The following APBB1 variants were observed in gnomAD, a reference collection of about 807,000 sequenced individuals.
APBB1 encodes amyloid beta precursor protein binding family B member 1, also known as adaptor protein FE65a2.
In APBB1, 22 loss-of-function variants were observed where a neutral mutation model predicts 78.4. The observed-to-expected ratio is 0.28, with a 90% CI of 0.20 to 0.40. The LOEUF (loss-of-function observed/expected upper bound fraction) is 0.40. APBB1 is among the 10% of genes least tolerant of loss of function. APBB1 has a pLI of 1.00. For synonymous variants in APBB1, 369 were observed against 372.7 expected, an observed-to-expected ratio of 0.99 and a Z score of 0.12; for missense variants, 749 against 932.4, an observed-to-expected ratio of 0.80 and a Z score of 2.56.
intron 2 of APBB1, among the ~76,000 whole-genome samples, chr11:6,408,979 A>T (rs1200911950): frequency 1.3e-5 from 2 of 151,966 alleles, no homozygotes; most frequent in Non-Finnish European, 2.9e-5. Context: ...AATGATATTA[A>T]AGAATTATTA....
rs753460266 is a variant in APBB1, at chr11:6,404,781, A to G, written c.722-959T>C. 22 of 1,536,100 alleles carry G rather than the reference A, an allele frequency of 1.4e-5. 2 individuals are homozygous for G. The South Asian group carries it at 2.6e-4, about 18-fold the overall frequency. On this transcript the variant is annotated intron_variant, in intron 2 of 14. Transcript: ENST00000609360. ...TCCTGCAGGATAATGGCCAGGAAAA[A>G]GTCCTGGGAGAACATGGCGCTCATT... is the stretch of plus-strand genomic sequence containing the variant.
intron 1 of APBB1, among the ~76,000 whole-genome samples, chr11:6,418,317 G>T (rs747055273): frequency 1.3e-5 from 2 of 152,232 alleles, no homozygotes; most frequent in Non-Finnish European, 2.9e-5. Flanking sequence ...GACAGTTTCA[G>T]TGGGTGTCAG....
chr11:6,398,542 G>A (rs114912691), intron 12 of APBB1, among the ~76,000 whole-genome samples: 3,424 of 152,332 alleles, frequency 0.022, 135 homozygotes, highest in African/African-American at 0.078. Context: ...ACAGGCAGTT[G>A]ATCTGGCATA....
At chr11:6,413,979 A>G (rs571300653) in intron 1 of APBB1, among the ~76,000 whole-genome samples, 2 of 152,226 alleles carry the variant, frequency 1.3e-5, no homozygotes, top group Non-Finnish European at 2.9e-5. Context: ...CCAGAACCAC[A>G]GTAATCTTCC....
rs543265186 is a variant in APBB1 at position 6,411,094 on chromosome 11, C to T, written c.254G>A (p.Arg85His). Reference sequence around the variant, plus strand: ...CAAGGTCACATTGCGATTCTGGTCACGGTGGGCCGTGGCGGCCCGCCGGAG... The same window carrying T: ...CAAGGTCACATTGCGATTCTGGTCATGGTGGGCCGTGGCGGCCCGCCGGAG... The part of the protein sequence containing the change: ...NQLRRAATAH[R>H]DQNRNVTLTL... Residue 85 changes from arginine to histidine, a missense_variant, in exon 2 of 15, where the codon CGT (arginine) becomes CAT (histidine). By Grantham distance (29) the Arg-to-His change is conservative. Coordinates refer to ENST00000609360, the MANE Select transcript of APBB1 (RefSeq NM_001164.5). This position sits in a 1 kb window ranked among gnomAD's most constrained non-coding sequence, Gnocchi z 5.2. The T allele has an allele frequency of 1.8e-5, 29 of 1,613,164 alleles. No individual in the cohort carries two copies. Among genetic ancestry groups the T allele is most frequent in the East Asian group, 1.3e-4 (6 of 44,864 alleles).
rs1256007476 is a variant in APBB1 at position 6,403,319 on chromosome 11, CTG to C, written c.1038_1039del (p.Ser347ProfsTer63). The C allele has an allele frequency of 6.2e-7, 1 of 1,614,044 alleles. No individual in the cohort carries two copies. The highest frequency in any genetic ancestry group is 1.7e-5 in the Admixed American group (1 of 60,018). On this transcript the variant is annotated frameshift_variant and splice_region_variant, in exon 5 of 15. Transcript: ENST00000609360. LOFTEE classifies it high-confidence loss of function. This position sits in a 1 kb window ranked among gnomAD's most constrained non-coding sequence, Gnocchi z 5.3. ...CAGCTCACTGCATCTGGCAGCTCAC[CTG>C]AGGCTCTGAGCTGGGAAGGTCAACG... is the stretch of plus-strand genomic sequence containing the variant.
chr11:6,398,401 C>T (rs757107046), intron 12 of APBB1, among the ~76,000 whole-genome samples: 2 of 152,318 alleles, frequency 1.3e-5, no homozygotes, highest in African/African-American at 2.4e-5. Flanking sequence ...TTCATTACCA[C>T]TTGTTAAATA....
chr11:6,402,041 T>C, intron 8 of APBB1, 41 bp downstream of exon 8: 1 of 1,609,638 alleles, frequency 6.2e-7, no homozygotes, highest in Non-Finnish European at 8.5e-7. Flanking sequence ...ACTCTGATGC[T>C]GGATGAACTC....
At position 6,411,438 on chromosome 11, in the gene APBB1, T is replaced by A; in HGVS notation, c.-14-77A>T. On this transcript the variant is annotated intron_variant, in intron 1 of 14. Coordinates refer to ENST00000609360, the MANE Select transcript of APBB1 (RefSeq NM_001164.5). The surrounding 1 kb of genome is among the most constrained non-coding windows in gnomAD (Gnocchi z 5.2). ...CATCACTGCTTCTGCCCCAGGGCTATGCCCTGTGCCTCCTCATCTCCCTGC... is the reference window on the plus strand; with the variant it reads ...CATCACTGCTTCTGCCCCAGGGCTAAGCCCTGTGCCTCCTCATCTCCCTGC... 2 of 1,286,738 alleles carry A rather than the reference T, an allele frequency of 1.6e-6. No individual in the cohort carries two copies. The highest frequency in any genetic ancestry group is 1.4e-5 in the South Asian group (1 of 69,000). The allele number at this position is 1,286,738 out of a possible 1,614,324, so 79.7% of individuals were successfully genotyped here.
At chr11:6,399,700 G>A (rs1371609594) in intron 12 of APBB1, among the ~76,000 whole-genome samples, 2 of 152,168 alleles carry the variant, frequency 1.3e-5, no homozygotes, top group Non-Finnish European at 2.9e-5. Context: ...ATTAAGGCAA[G>A]TGCACTCTCG....
chr11:6,409,723 G>A (rs1848910950), intron 2 of APBB1, among the ~76,000 whole-genome samples: 1 of 146,412 alleles, frequency 6.8e-6, no homozygotes, highest in African/African-American at 2.8e-5. Flanking sequence ...CAGGGTTTTG[G>A]TTGTAACTAT....
chr11:6,401,838 A>G lies in APBB1; in HGVS notation c.1388+139T>C. On this transcript the variant is annotated intron_variant, in intron 9 of 14. Coordinates refer to ENST00000609360, the MANE Select transcript of APBB1 (RefSeq NM_001164.5). The surrounding 1 kb of genome is among the most constrained non-coding windows in gnomAD (Gnocchi z 4.5). ...CATAGGTGCTGCCTTCTTGGGGGGGAGGGGTAGACAGGCAAGCATGCTGAG... is the reference window on the plus strand; with the variant it reads ...CATAGGTGCTGCCTTCTTGGGGGGGGGGGGTAGACAGGCAAGCATGCTGAG... 1 of 1,396,070 alleles carries G rather than the reference A, an allele frequency of 7.2e-7. No individual in the cohort carries two copies. 86.5% of individuals were successfully genotyped at this position (1,396,070 alleles called of 1,614,324 possible).
intron 7 of APBB1, 26 bp from the exon 8 acceptor site, chr11:6,402,235 G>A (rs776526622): frequency 1.9e-6 from 3 of 1,611,014 alleles, no homozygotes; most frequent in Admixed American, 1.7e-5. Context: ...CAGGCACTCA[G>A]TGGGACTCCA....
chr11:6,398,197 C>T (rs1385359366), intron 12 of APBB1, among the ~76,000 whole-genome samples: 1 of 152,122 alleles, frequency 6.6e-6, no homozygotes, highest in Admixed American at 6.5e-5. Flanking sequence ...ATGCAATCCC[C>T]CTAATCCTGC....
chr11:6,418,811 T>G (rs570749216), intron 1 of APBB1, among the ~76,000 whole-genome samples, 174 bp downstream of exon 1: 2 of 151,958 alleles, frequency 1.3e-5, no homozygotes, highest in African/African-American at 4.8e-5. Context: ...GACCCTGCGA[T>G]GGTGGGTATG....
intron 12 of APBB1, 187 bp from the exon 13 acceptor site, chr11:6,396,402 T>C (rs1402493413): frequency 5.3e-6 from 3 of 566,836 alleles, no homozygotes; most frequent in Admixed American, 3.7e-5. Flanking sequence ...CTTCAGTAAC[T>C]GGACATTTTC....
intron 2 of APBB1, among the ~76,000 whole-genome samples, chr11:6,409,934 C>A (rs938831720): frequency 6.6e-6 from 1 of 152,184 alleles, no homozygotes; most frequent in Non-Finnish European, 1.5e-5. Context: ...AAAACTGTAT[C>A]CTTGCAATGG....
At chr11:6,404,011 A>C in intron 2 of APBB1, 189 bp from the exon 3 acceptor site, 1 of 542,664 alleles carries the variant, frequency 1.8e-6, no homozygotes, top group Non-Finnish European at 3.1e-6. Flanking sequence ...AGTAGGGGAC[A>C]TGGCTCAGGT....
intron 12 of APBB1, among the ~76,000 whole-genome samples, chr11:6,397,654 G>T (rs866279796): frequency 1.3e-5 from 2 of 152,354 alleles, no homozygotes; most frequent in South Asian, 2.1e-4. Context: ...CATGCCTGCT[G>T]CAGGGCAGGG....
Sources: gnomAD v4.1 joint callset for allele counts (sites outside exome capture counted in the v4.1 genomes callset) on GRCh38, gnomAD v4.1.1 for gene constraint, Gnocchi (gnomAD v3.1) non-coding constraint, MANE v1.5 for transcripts, NCBI Gene and HGNC (gene_info 2026-07-23, HGNC 2026-07-21) for gene names.